Variants in PCDHGA2 observed in about 807,000 individuals in gnomAD.
PCDHGA2 encodes the protein protocadherin gamma subfamily A, 2.
In PCDHGA2, 40 loss-of-function variants were observed where a neutral mutation model predicts 59.2. The ratio of observed to expected loss-of-function variants is 0.68; its 90% CI spans 0.52 to 0.88. The LOEUF (loss-of-function observed/expected upper bound fraction) is 0.88, where lower values mean the gene tolerates loss of function less well. PCDHGA2 is among the 40% of genes least tolerant of loss of function. The pLI is 0.00. For missense variants in PCDHGA2, 1,226 were observed against 1,204.0 expected (o/e 1.02, Z -0.27); for synonymous variants, 560 against 526.0 (o/e 1.06, Z -0.89).
chr5:141,428,056 C>T (rs2097104330), intron 1 of PCDHGA2: 3 of 1,609,000 alleles, frequency 1.9e-6, no homozygotes, highest in African/African-American at 1.3e-5. Flanking sequence ...AAGGTGGTGG[C>T]GGTGGACGCA....
At chr5:141,403,378 T>G in intron 1 of PCDHGA2, 5 of 1,614,002 alleles carry the variant, frequency 3.1e-6, no homozygotes, top group Non-Finnish European at 4.2e-6. Context: ...AAGTAAAAAT[T>G]AACGAAATCG....
At chr5:141,360,081 C>A (rs1380331452) in intron 1 of PCDHGA2, 2 of 1,486,164 alleles carry the variant, frequency 1.3e-6, no homozygotes, top group Non-Finnish European at 1.8e-6. Context: ...CCGGATTCTG[C>A]CATCCCCGGA....
In PCDHGA2 at chr5:141,432,733, C is replaced by T; in HGVS notation, c.2425-62074C>T. 1 of 1,614,094 alleles carries T rather than the reference C, an allele frequency of 6.2e-7. No individual in the cohort carries two copies. Among genetic ancestry groups the T allele is most frequent in the Middle Eastern group, 1.6e-4 (1 of 6,062 alleles). ...GCCAGCCCCCTCTCTCCGCCACTGTCACGCTCACCGTGGCCGTGGCCGACA... is the reference window on the plus strand; with the variant it reads ...GCCAGCCCCCTCTCTCCGCCACTGTTACGCTCACCGTGGCCGTGGCCGACA... On this transcript the variant is annotated intron_variant, in intron 1 of 3. Coordinates refer to ENST00000394576, the MANE Select transcript of PCDHGA2 (RefSeq NM_018915.4). The surrounding 1 kb of genome is among the most constrained non-coding windows in gnomAD (Gnocchi z 6.0).
At chr5:141,370,601 T>C in intron 1 of PCDHGA2, 1 of 1,614,004 alleles carries the variant, frequency 6.2e-7, no homozygotes. Flanking sequence ...TGCGGGTTAT[T>C]GCAGAGAAGA....
intron 1 of PCDHGA2, chr5:141,420,931 AATC>A: frequency 2.7e-6 from 1 of 369,128 alleles, no homozygotes; most frequent in African/African-American, 2.1e-5. Context: ...AGGTGAGCGT[AATC>A]ATTTCTTCTG....
chr5:141,451,676 G>A (rs1363843426), intron 1 of PCDHGA2, among the ~76,000 whole-genome samples: 1 of 152,142 alleles, frequency 6.6e-6, no homozygotes, highest in African/African-American at 2.4e-5. Flanking sequence ...GAGCCCAGGA[G>A]TTCAAGACCA....
intron 1 of PCDHGA2, chr5:141,392,932 A>T (rs1334314898): frequency 6.2e-7 from 1 of 1,613,830 alleles, no homozygotes; most frequent in African/African-American, 1.3e-5. Flanking sequence ...GAAGAGACGG[A>T]CAAAGGCTCC....
In PCDHGA2 at chr5:141,440,050, G is replaced by C. The variant is rs747798063; in HGVS notation, c.2425-54757G>C. On this transcript the variant is annotated intron_variant, in intron 1 of 3. Coordinates refer to ENST00000394576, the MANE Select transcript of PCDHGA2 (RefSeq NM_018915.4). ...GTGTCGAGGACATGCCCACTTGAAA[G>C]CTTCGGGTTAATGCTGAGGAATAAT... 6 of 152,826 alleles carry C rather than the reference G, an allele frequency of 3.9e-5. No homozygotes were observed. The East Asian group carries it at 1.2e-3, about 29-fold the overall frequency. 9.5% of individuals were successfully genotyped at this position (152,826 alleles called of 1,614,324 possible). A position where few individuals can be genotyped will look rare whatever the true frequency, so the allele number is the denominator to read the frequency against.
rs1248983040 is a variant in PCDHGA2, at chr5:141,476,937, G to T, written c.2425-17870G>T. 3.1e-6 allele frequency: 5 copies of T among 1,614,186 alleles called. No homozygotes were observed. Among genetic ancestry groups the T allele is most frequent in the Non-Finnish European group, 4.2e-6 (5 of 1,180,050 alleles). The stretch of plus-strand genomic sequence containing the variant: ...GTCCTTGCAACGGATCTGGATGAAG[G>T]CCCCAACGGTGAAATTATTTACTCC... On this transcript the variant is annotated intron_variant, in intron 1 of 3. Coordinates refer to ENST00000394576, the MANE Select transcript of PCDHGA2 (RefSeq NM_018915.4). This position sits in a 1 kb window ranked among gnomAD's most constrained non-coding sequence, Gnocchi z 7.6.
In PCDHGA2 at chr5:141,448,136, A is replaced by G. The variant is rs2098567363; in HGVS notation, c.2425-46671A>G. Among the ~76,000 whole-genome samples, 5 of 152,036 alleles carry G rather than the reference A, an allele frequency of 3.3e-5. No individual in the cohort carries two copies. The South Asian group carries it at 1.0e-3, about 32-fold the overall frequency. On this transcript the variant is annotated intron_variant, in intron 1 of 3. Transcript: ENST00000394576. ...AAAATTAGCCTCCCCCACCCTCACT[A>G]TACCTCAGACTCACCCCTGAAAGAT...
chr5:141,409,541 G>A (rs1485327824), intron 1 of PCDHGA2: 5 of 1,613,852 alleles, frequency 3.1e-6, no homozygotes, highest in South Asian at 1.1e-5. Flanking sequence ...TGACATCAAC[G>A]ACAACGCCCC....
At chr5:141,394,268 C>G in intron 1 of PCDHGA2, 1 of 1,613,946 alleles carries the variant, frequency 6.2e-7, no homozygotes, top group African/African-American at 1.3e-5. Flanking sequence ...AGGAGAATGC[C>G]CAGGTCACTT....
chr5:141,345,828 G>A (rs751361180), intron 1 of PCDHGA2: 4 of 1,613,560 alleles, frequency 2.5e-6, no homozygotes, highest in Non-Finnish European at 2.5e-6. Flanking sequence ...CAGAGACTCG[G>A]GCCAGAACGC....
rs2099610288 is a variant in PCDHGA2, at chr5:141,485,252, G to A, written c.2425-9555G>A. ...GTTCCTCTTTTACCACCTGGGTTAC[G>A]TTTGTGGGCAGATCCGCTACCCGGT... On this transcript the variant is annotated intron_variant, in intron 1 of 3. Coordinates refer to ENST00000394576, the MANE Select transcript of PCDHGA2 (RefSeq NM_018915.4). This position sits in a 1 kb window ranked among gnomAD's most constrained non-coding sequence, Gnocchi z 5.7. 6.2e-7 allele frequency: 1 copy of A among 1,614,042 alleles called. No individual in the cohort carries two copies. The highest frequency in any genetic ancestry group is 1.7e-5 in the Admixed American group (1 of 60,008).
chr5:141,449,724 A>AT (rs911465424), intron 1 of PCDHGA2, among the ~76,000 whole-genome samples: 1 of 151,176 alleles, frequency 6.6e-6, no homozygotes, highest in African/African-American at 2.4e-5. Context: ...ATATGATATG[A>AT]TTTTTTTATG....
chr5:141,487,890 G>C lies in PCDHGA2; in HGVS notation c.2425-6917G>C. 3 of 745,430 alleles carry C rather than the reference G, an allele frequency of 4.0e-6. No homozygotes were observed. Among genetic ancestry groups the C allele is most frequent in the Non-Finnish European group, 6.5e-6 (3 of 462,522 alleles). The allele number at this position is 745,430 out of a possible 1,614,324, so 46.2% of individuals were successfully genotyped here. A position where few individuals can be genotyped will look rare whatever the true frequency, so the allele number is the denominator to read the frequency against. On this transcript the variant is annotated intron_variant, in intron 1 of 3. Coordinates refer to ENST00000394576, the MANE Select transcript of PCDHGA2 (RefSeq NM_018915.4). This position sits in a 1 kb window ranked among gnomAD's most constrained non-coding sequence, Gnocchi z 5.0. ...AAGAGCCAGGCTGTTGTGGAAGCAT[G>C]ATGATGGAATGTGGGAGCACAGGAG...
intron 1 of PCDHGA2, chr5:141,414,156 T>TCTC (rs1462369810): frequency 6.2e-7 from 1 of 1,601,848 alleles, no homozygotes; most frequent in Admixed American, 1.7e-5. Flanking sequence ...AAGCAGAAGA[T>TCTC]GGAGGAGCAT....
chr5:141,344,860 A>G, intron 1 of PCDHGA2: 2 of 1,613,960 alleles, frequency 1.2e-6, no homozygotes, highest in Non-Finnish European at 1.7e-6. Context: ...TTCAATGCTC[A>G]AGTGTCTTAT....
intron 1 of PCDHGA2, chr5:141,364,485 T>C (rs1357301419): frequency 6.2e-7 from 1 of 1,614,028 alleles, no homozygotes; most frequent in Admixed American, 1.7e-5. Flanking sequence ...GCCAAGGACC[T>C]TGGGCTGGAG....
Sources: gnomAD v4.1 joint callset for allele counts (sites outside exome capture counted in the v4.1 genomes callset) on GRCh38, gnomAD v4.1.1 for gene constraint, Gnocchi (gnomAD v3.1) non-coding constraint, MANE v1.5 for transcripts, NCBI Gene and HGNC (gene_info 2026-07-23, HGNC 2026-07-21) for gene names.